Variants in WDR49 observed in about 807,000 individuals in gnomAD.
The protein encoded by WDR49 is cilia- and flagella-associated protein 337.
In WDR49, 107 loss-of-function variants were observed where a neutral mutation model predicts 119.5. The observed-to-expected ratio is 0.90, with a 90% CI of 0.77 to 1.05. The LOEUF (loss-of-function observed/expected upper bound fraction) is 1.05. Among genes scored for constraint, WDR49 ranks in the 50% least tolerant of loss-of-function variants. The pLI is 0.00. For missense variants in WDR49, 1,240 were observed against 1,220.5 expected, an observed-to-expected ratio of 1.02 and a Z score of -0.24; for synonymous variants, 425 against 418.8, an observed-to-expected ratio of 1.01 and a Z score of -0.18.
rs144137096 is a variant in WDR49 at position 167,613,248 on chromosome 3, A to C, written c.958+7181T>G. ...ATAACTGTATCTATTCTATCTTTAA[A>C]ATAAGAATTCAGCACTGCTAAGCAT... On this transcript the variant is annotated intron_variant, in intron 5 of 18. Coordinates refer to ENST00000682715, the MANE Select transcript of WDR49 (RefSeq NM_001366157.1). Among the ~76,000 whole-genome samples, 12 of 152,374 alleles carry C rather than the reference A, an allele frequency of 7.9e-5. No individual in the cohort carries two copies. The East Asian group carries it at 2.1e-3, about 27-fold the overall frequency.
chr3:167,507,899 A>G (rs1269682972), intron 16 of WDR49, among the ~76,000 whole-genome samples: 2 of 152,224 alleles, frequency 1.3e-5, no homozygotes, highest in Non-Finnish European at 2.9e-5. Context: ...GGAACTGGAA[A>G]AAGGCAAATA....
At chr3:167,647,190 G>A (rs1369075437) in intron 2 of WDR49, among the ~76,000 whole-genome samples, 1 of 152,162 alleles carries the variant, frequency 6.6e-6, no homozygotes, top group Non-Finnish European at 1.5e-5. Context: ...AACAGCAGTA[G>A]ACATCTTTGC....
intron 2 of WDR49, chr3:167,633,541 G>C (rs746031012): frequency 5.4e-5 from 24 of 447,122 alleles, no homozygotes; most frequent in Non-Finnish European, 8.9e-5. Flanking sequence ...TCCTGGACTT[G>C]GCAGAAAGTA....
chr3:167,533,073 C>G (rs572473279), intron 11 of WDR49, 96 bp from the exon 12 acceptor site: 4 of 767,406 alleles, frequency 5.2e-6, no homozygotes, highest in Non-Finnish European at 8.3e-6. Context: ...AACATATCTT[C>G]CACAGAATAT....
chr3:167,479,556 A>G (rs1236150574), intron 18 of WDR49, among the ~76,000 whole-genome samples: 4 of 152,200 alleles, frequency 2.6e-5, no homozygotes, highest in African/African-American at 7.2e-5. Context: ...GCATAATTTT[A>G]TTATTTAAAC....
Position 167,621,468 on chromosome 3 carries a change from T to G in WDR49, c.782A>C (p.Lys261Thr). The change falls in exon 4 of 19, where the codon AAG (lysine) becomes ACG (threonine). Residue 261 changes from lysine to threonine, a missense_variant and splice_region_variant. Lys to Thr is a moderately conservative substitution (Grantham distance 78). Transcript: ENST00000682715. ...SILSFGDITGKVQAIAFTAAL... is the reference protein window; with the variant it reads ...SILSFGDITGTVQAIAFTAAL... ...CAATCTTAATCTACCCTCACTTACC[T>G]TTCCAGTTATATCCCCAAAAGAAAG... is the stretch of plus-strand genomic sequence containing the variant. 6.5e-7 allele frequency: 1 copy of G among 1,528,374 alleles called. No homozygotes were observed. Among genetic ancestry groups the G allele is most frequent in the Non-Finnish European group, 8.7e-7 (1 of 1,142,900 alleles). 94.7% of individuals were successfully genotyped at this position (1,528,374 alleles called of 1,614,324 possible).
chr3:167,483,353 G>A (rs1467316621), intron 18 of WDR49, among the ~76,000 whole-genome samples: 1 of 152,092 alleles, frequency 6.6e-6, no homozygotes, highest in African/African-American at 2.4e-5. Flanking sequence ...CTGTTTTATT[G>A]AGATTTGTCT....
chr3:167,530,824 GACA>G (rs1752823906), intron 13 of WDR49, among the ~76,000 whole-genome samples: 1 of 152,180 alleles, frequency 6.6e-6, no homozygotes, highest in African/African-American at 2.4e-5. Flanking sequence ...ACAGGTCTGG[GACA>G]ACAATTCTGA....
Position 167,478,728 on chromosome 3 carries a change from G to C in WDR49, c.*150C>G. The C allele has an allele frequency of 4.3e-6, 2 of 466,016 alleles. No individual in the cohort carries two copies. Among genetic ancestry groups the C allele is most frequent in the Non-Finnish European group, 7.4e-6 (2 of 269,790 alleles). The allele number at this position is 466,016 out of a possible 1,614,324, so 28.9% of individuals were successfully genotyped here. On this transcript the variant is annotated 3_prime_UTR_variant, in exon 19 of 19. Transcript: ENST00000682715. ...TATTAAGAATACAGAGAAATTGACAGATGATAGATAAAAGCAGTACTAAAT... is the reference window on the plus strand; with the variant it reads ...TATTAAGAATACAGAGAAATTGACACATGATAGATAAAAGCAGTACTAAAT...
chr3:167,575,207 G>C, intron 8 of WDR49: 4 of 985,562 alleles, frequency 4.1e-6, no homozygotes, highest in Non-Finnish European at 4.8e-6. Context: ...GATGTTGCTT[G>C]CTCCCTTCAT....
chr3:167,651,366 C>T (rs998094083), intron 2 of WDR49, among the ~76,000 whole-genome samples: 54 of 152,300 alleles, frequency 3.5e-4, no homozygotes, highest in African/African-American at 1.3e-3. Context: ...CTATTGAGGG[C>T]ATTTTATCCT....
At chr3:167,643,611 T>C (rs2108342445) in intron 2 of WDR49, among the ~76,000 whole-genome samples, 1 of 152,194 alleles carries the variant, frequency 6.6e-6, no homozygotes, top group Middle Eastern at 3.4e-3. Flanking sequence ...AAAGTTGAAT[T>C]TCCTGTGTAC....
intron 4 of WDR49, 31 bp downstream of exon 4, chr3:167,621,436 T>C (rs890178418): frequency 1.4e-6 from 2 of 1,460,654 alleles, no homozygotes; most frequent in African/African-American, 1.4e-5. Flanking sequence ...ATTAAATCCA[T>C]AGTATTCAAT....
chr3:167,560,807 G>A (rs1275649219), intron 8 of WDR49, among the ~76,000 whole-genome samples: 1 of 150,390 alleles, frequency 6.6e-6, no homozygotes, highest in Non-Finnish European at 1.5e-5. Flanking sequence ...AAAGAGCACA[G>A]GTTAAATATA....
At chr3:167,624,273 G>C (rs1717013849) in intron 3 of WDR49, among the ~76,000 whole-genome samples, 2 of 151,402 alleles carry the variant, frequency 1.3e-5, no homozygotes, top group Admixed American at 1.3e-4. Context: ...AAAATGGAAG[G>C]CTGCAGAGCA....
intron 9 of WDR49, among the ~76,000 whole-genome samples, chr3:167,555,145 C>G (rs1577236814): frequency 6.6e-6 from 1 of 152,078 alleles, no homozygotes; most frequent in Non-Finnish European, 1.5e-5. Context: ...CAGCCCCACC[C>G]TGAAACCCCT....
chr3:167,657,141 T>C (rs1316795176), upstream of WDR49, among the ~76,000 whole-genome samples: 2 of 152,208 alleles, frequency 1.3e-5, no homozygotes, highest in Non-Finnish European at 2.9e-5. Context: ...TTTTATATTA[T>C]TTAAGGACTA....
Position 167,482,962 on chromosome 3 carries a change from T to A in WDR49, c.3032-3966A>T, listed in dbSNP as rs7641508. Among the ~76,000 whole-genome samples the A allele has an allele frequency of 3.4e-3, 524 of 152,056 alleles. 1 individual carries two copies. The highest frequency in any genetic ancestry group is 0.017 in the Middle Eastern group (5 of 294). ...TCAACTAATAGCAGTATAAGCAAAT[T>A]TAACAAAATAAAAGTAAGCATAAAG... On this transcript the variant is annotated intron_variant, in intron 18 of 18. Coordinates refer to ENST00000682715, the MANE Select transcript of WDR49 (RefSeq NM_001366157.1).
intron 10 of WDR49, among the ~76,000 whole-genome samples, chr3:167,551,465 T>A (rs1487782421): frequency 6.6e-6 from 1 of 152,082 alleles, no homozygotes; most frequent in Non-Finnish European, 1.5e-5. Context: ...ATTCAATTAA[T>A]CATTTAGTTT....
Sources: gnomAD v4.1 joint callset for allele counts (sites outside exome capture counted in the v4.1 genomes callset) on GRCh38, gnomAD v4.1.1 for gene constraint, MANE v1.5 for transcripts, NCBI Gene and HGNC (gene_info 2026-07-23, HGNC 2026-07-21) for gene names.